PCED1B: variants seen among roughly 807,000 people sequenced by gnomAD.
The protein encoded by PCED1B is PC-esterase domain-containing protein 1B.
For missense variants in PCED1B, 573 were observed against 573.9 expected, an observed-to-expected ratio of 1.00 and a Z score of 0.02; for synonymous variants, 251 against 246.1, an observed-to-expected ratio of 1.02 and a Z score of -0.19.
intron 2 of PCED1B, among the ~76,000 whole-genome samples, chr12:47,181,373 A>ATT (rs61594383): frequency 0.036 from 5,176 of 145,372 alleles, 301 homozygotes; most frequent in African/African-American, 0.12. Flanking sequence ...TTCTTTCATT[A>ATT]TTTTTTTTTT....
At chr12:47,195,981 C>T (rs1351908157) in intron 2 of PCED1B, among the ~76,000 whole-genome samples, 2 of 152,180 alleles carry the variant, frequency 1.3e-5, no homozygotes. Context: ...ATTCTTCCCA[C>T]ACCTTCCAAT....
intron 2 of PCED1B, among the ~76,000 whole-genome samples, chr12:47,183,951 T>A (rs913596505): frequency 4.6e-5 from 7 of 152,248 alleles, no homozygotes; most frequent in Non-Finnish European, 7.3e-5. Flanking sequence ...CAGATATGGT[T>A]CCTGCTGAGG....
At chr12:47,195,999 T>C (rs1282843969) in intron 2 of PCED1B, among the ~76,000 whole-genome samples, 1 of 152,214 alleles carries the variant, frequency 6.6e-6, no homozygotes, top group Non-Finnish European at 1.5e-5. Context: ...AATATTCTAT[T>C]AGCCCAATTT....
chr12:47,221,615 T>C (rs1343505860), intron 3 of PCED1B, among the ~76,000 whole-genome samples: 1 of 152,200 alleles, frequency 6.6e-6, no homozygotes, highest in Non-Finnish European at 1.5e-5. Flanking sequence ...TCCACCCAAT[T>C]ATGTATTCCC....
intron 2 of PCED1B, among the ~76,000 whole-genome samples, chr12:47,183,294 T>A (rs980487814): frequency 2.0e-5 from 3 of 152,210 alleles, no homozygotes; most frequent in Non-Finnish European, 4.4e-5. Flanking sequence ...GAACTGTCTA[T>A]CTCTTGCTGT....
At chr12:47,231,948 CT>C (rs1943821246) in intron 3 of PCED1B, among the ~76,000 whole-genome samples, 1 of 152,204 alleles carries the variant, frequency 6.6e-6, no homozygotes, top group Non-Finnish European at 1.5e-5. Context: ...GGAAGGAATA[CT>C]ATTCCCAAAG....
intron 3 of PCED1B, among the ~76,000 whole-genome samples, chr12:47,230,159 A>G (rs1335369743): frequency 7.2e-6 from 1 of 139,832 alleles, no homozygotes; most frequent in African/African-American, 2.7e-5. Flanking sequence ...ATCTCGGCTC[A>G]CTACAAGTTC....
At chr12:47,148,872 A>G (rs1940889102) in intron 2 of PCED1B, among the ~76,000 whole-genome samples, 1 of 152,232 alleles carries the variant, frequency 6.6e-6, no homozygotes, top group South Asian at 2.1e-4. Flanking sequence ...GCTGTTTTCA[A>G]CATTTGTCAC....
At chr12:47,101,837 C>T (rs557782992) in intron 1 of PCED1B, among the ~76,000 whole-genome samples, 1 of 151,726 alleles carries the variant, frequency 6.6e-6, no homozygotes, top group South Asian at 2.1e-4. Flanking sequence ...TCCCAGCTAC[C>T]GGGGAAGCTG....
intron 2 of PCED1B, among the ~76,000 whole-genome samples, chr12:47,126,336 C>T (rs527322178): frequency 1.3e-5 from 2 of 152,120 alleles, no homozygotes; most frequent in East Asian, 3.9e-4. Context: ...GTTAAAACTA[C>T]CTTGTATTCC....
chr12:47,120,836 A>G (rs1388615426), intron 2 of PCED1B, among the ~76,000 whole-genome samples: 1 of 152,164 alleles, frequency 6.6e-6, no homozygotes, highest in Non-Finnish European at 1.5e-5. Flanking sequence ...AGTACAATAC[A>G]TGCTACAACG....
rs1289356576 is a variant in PCED1B, at chr12:47,108,622, C to T, written c.-526+4427C>T. 3.3e-5 allele frequency among the ~76,000 whole-genome samples: 5 copies of T among 152,282 alleles called. No homozygotes were observed. In the East Asian group the frequency reaches 9.6e-4, roughly 29 times the overall value. ...TTTTCACATATTTATTGGCCCTTTG[C>T]ATTTTCTCTTAGGCTTTCATTACTT... On this transcript the variant is annotated intron_variant, in intron 2 of 3. Coordinates refer to ENST00000546455, the MANE Select transcript of PCED1B (RefSeq NM_138371.3).
chr12:47,131,754 C>T (rs1355643667), intron 2 of PCED1B, among the ~76,000 whole-genome samples: 3 of 148,372 alleles, frequency 2.0e-5, no homozygotes, highest in East Asian at 2.0e-4. Context: ...CTGCAACCTT[C>T]GACTCCCTGG....
intron 2 of PCED1B, among the ~76,000 whole-genome samples, chr12:47,176,131 C>T (rs1203800732): frequency 2.0e-5 from 3 of 151,972 alleles, no homozygotes; most frequent in African/African-American, 7.3e-5. Context: ...TGACTAAAAT[C>T]AGGAAAACAT....
chr12:47,154,814 T>C (rs1941139089), intron 2 of PCED1B, among the ~76,000 whole-genome samples: 1 of 149,626 alleles, frequency 6.7e-6, no homozygotes, highest in African/African-American at 2.4e-5. Context: ...TGTGTGTGCA[T>C]CTTCCTACTG....
chr12:47,125,597 G>A (rs1284578411), intron 2 of PCED1B, among the ~76,000 whole-genome samples: 2 of 151,910 alleles, frequency 1.3e-5, no homozygotes, highest in Admixed American at 6.6e-5. Flanking sequence ...TCAATTTGAG[G>A]ATAATAGACA....
At chr12:47,223,341 C>G (rs1943542145) in intron 3 of PCED1B, among the ~76,000 whole-genome samples, 1 of 152,064 alleles carries the variant, frequency 6.6e-6, no homozygotes, top group Non-Finnish European at 1.5e-5. Flanking sequence ...TACTAACAAA[C>G]ATTCCTTGGC....
chr12:47,132,644 A>C (rs1940179764), intron 2 of PCED1B, among the ~76,000 whole-genome samples: 1 of 152,168 alleles, frequency 6.6e-6, no homozygotes. Context: ...CTAACTAAAC[A>C]CAACCCTACC....
At chr12:47,134,891 A>G (rs1278315130) in intron 2 of PCED1B, among the ~76,000 whole-genome samples, 1 of 152,200 alleles carries the variant, frequency 6.6e-6, no homozygotes, top group East Asian at 1.9e-4. Flanking sequence ...ATGCATATAC[A>G]TGTTTTCACA....
Sources: gnomAD v4.1 joint callset for allele counts (sites outside exome capture counted in the v4.1 genomes callset) on GRCh38, gnomAD v4.1.1 for gene constraint, MANE v1.5 for transcripts, NCBI Gene and HGNC (gene_info 2026-07-23, HGNC 2026-07-21) for gene names.